The following SGCZ variants were observed in gnomAD, a reference collection of about 807,000 sequenced individuals.
The protein encoded by SGCZ is zeta-sarcoglycan.
In SGCZ, 40 loss-of-function variants were observed where a neutral mutation model predicts 41.3. That is an observed-to-expected ratio of 0.97 (90% CI 0.75 to 1.26). The LOEUF is 1.26. SGCZ is among the 50% of genes most tolerant of loss of function. The pLI, the probability that SGCZ is intolerant of heterozygous loss-of-function variation, is 0.00. For synonymous variants in SGCZ, 206 were observed against 137.5 expected (o/e 1.50, Z -3.49); for missense variants, 552 against 369.8 (o/e 1.49, Z -4.04).
chr8:15,073,352 G>A (rs1360294555), intron 1 of SGCZ, among the ~76,000 whole-genome samples: 2 of 152,156 alleles, frequency 1.3e-5, no homozygotes, highest in Non-Finnish European at 2.9e-5. Context: ...TGAGTGAAGA[G>A]GAAAGAGAGA....
intron 1 of SGCZ, among the ~76,000 whole-genome samples, chr8:14,608,142 G>T (rs773063000): frequency 7.9e-5 from 12 of 151,986 alleles, no homozygotes; most frequent in Admixed American, 1.3e-4. Flanking sequence ...CAATAAAAAG[G>T]CACTAATGGA....
intron 2 of SGCZ, among the ~76,000 whole-genome samples, chr8:14,350,469 G>C (rs1357037201): frequency 6.6e-6 from 1 of 152,098 alleles, no homozygotes; most frequent in Non-Finnish European, 1.5e-5. Flanking sequence ...ATGCTATCAG[G>C]AGTGTTAGGG....
intron 2 of SGCZ, among the ~76,000 whole-genome samples, chr8:14,324,801 G>C (rs997072705): frequency 4.6e-5 from 7 of 152,112 alleles, no homozygotes; most frequent in African/African-American, 7.2e-5. Context: ...ACTAAACAGA[G>C]TGCTACTGGG....
At chr8:15,129,972 A>G (rs928618705) in intron 1 of SGCZ, among the ~76,000 whole-genome samples, 5 of 152,098 alleles carry the variant, frequency 3.3e-5, no homozygotes, top group African/African-American at 1.2e-4. Flanking sequence ...TAATCTCAGT[A>G]TTTTAAAAAT....
At chr8:15,137,564 T>C (rs1808159583) in intron 1 of SGCZ, among the ~76,000 whole-genome samples, 1 of 152,142 alleles carries the variant, frequency 6.6e-6, no homozygotes, top group Non-Finnish European at 1.5e-5. Flanking sequence ...GCCTAGGGAC[T>C]TCATACCCTG....
intron 1 of SGCZ, among the ~76,000 whole-genome samples, chr8:15,050,103 A>C (rs1266905802): frequency 2.6e-5 from 4 of 152,154 alleles, no homozygotes; most frequent in Non-Finnish European, 1.5e-5. Flanking sequence ...ACACACATGC[A>C]CACATATGAT....
chr8:14,280,673 G>A (rs938149430), intron 3 of SGCZ, among the ~76,000 whole-genome samples: 2 of 151,696 alleles, frequency 1.3e-5, no homozygotes, highest in Admixed American at 1.3e-4. Flanking sequence ...TATTACTATT[G>A]CTTATCTTGT....
At chr8:14,365,016 C>G (rs1277118511) in intron 2 of SGCZ, among the ~76,000 whole-genome samples, 1 of 151,984 alleles carries the variant, frequency 6.6e-6, no homozygotes, top group Non-Finnish European at 1.5e-5. Flanking sequence ...ATTTTCATCA[C>G]TTTCTATGGT....
chr8:14,132,596 T>C (rs1180847555), intron 5 of SGCZ, among the ~76,000 whole-genome samples: 2 of 152,220 alleles, frequency 1.3e-5, no homozygotes, highest in Non-Finnish European at 2.9e-5. Context: ...TTTTTGTCCA[T>C]GTTTTTCTTT....
chr8:14,650,591 G>C lies in SGCZ; in HGVS notation c.40-95665C>G, dbSNP rs180849306. On this transcript the variant is annotated intron_variant, in intron 1 of 7. Transcript: ENST00000382080. ...CTCATCATTTAGCTCCCACTTATAA[G>C]TGACAGGTTATCTTTAATATTAAGC... 2.6e-3 allele frequency among the ~76,000 whole-genome samples: 398 copies of C among 151,958 alleles called. 2 individuals carry two copies. Among genetic ancestry groups the C allele is most frequent in the Non-Finnish European group, 4.6e-3 (313 of 68,010 alleles).
At chr8:14,927,973 C>T (rs1364194096) in intron 1 of SGCZ, among the ~76,000 whole-genome samples, 2 of 152,122 alleles carry the variant, frequency 1.3e-5, no homozygotes, top group East Asian at 3.9e-4. Context: ...AAGGTTCAGT[C>T]AAAGTCATCT....
At chr8:14,321,998 T>C (rs1426024976) in intron 3 of SGCZ, among the ~76,000 whole-genome samples, 1 of 152,106 alleles carries the variant, frequency 6.6e-6, no homozygotes, top group African/African-American at 2.4e-5. Context: ...GTAAATGACA[T>C]TCATGGACAA....
At chr8:14,852,641 T>C (rs1230351304) in intron 1 of SGCZ, among the ~76,000 whole-genome samples, 1 of 152,192 alleles carries the variant, frequency 6.6e-6, no homozygotes, top group East Asian at 1.9e-4. Flanking sequence ...CAGATGCCTA[T>C]AGTCTCCCCT....
chr8:14,970,750 T>C (rs1326162304), intron 1 of SGCZ, among the ~76,000 whole-genome samples: 3 of 152,156 alleles, frequency 2.0e-5, no homozygotes, highest in Non-Finnish European at 2.9e-5. Flanking sequence ...TCCTGCTAGA[T>C]TCTCCTTTTC....
intron 1 of SGCZ, among the ~76,000 whole-genome samples, chr8:14,802,884 T>C (rs1231509162): frequency 6.6e-6 from 1 of 152,146 alleles, no homozygotes; most frequent in Admixed American, 6.5e-5. Context: ...ACAGCCCACC[T>C]GCACTGAAGC....
intron 2 of SGCZ, among the ~76,000 whole-genome samples, chr8:14,516,716 G>C (rs1248935263): frequency 6.6e-6 from 1 of 152,018 alleles, no homozygotes; most frequent in African/African-American, 2.4e-5. Flanking sequence ...GTTCACCGTT[G>C]ACATGCGTCT....
At chr8:14,697,859 G>A (rs1452899405) in intron 1 of SGCZ, among the ~76,000 whole-genome samples, 1 of 151,872 alleles carries the variant, frequency 6.6e-6, no homozygotes, top group African/African-American at 2.4e-5. Flanking sequence ...CTTTTCATCA[G>A]TAATATTGAA....
intron 1 of SGCZ, among the ~76,000 whole-genome samples, chr8:14,833,543 CATTTTAGT>C (rs1373543883): frequency 1.1e-4 from 16 of 152,128 alleles, no homozygotes; most frequent in Non-Finnish European, 1.5e-4. Context: ...TTGTTCTTAA[CATTTTAGT>C]ACATGGTTTG....
intron 1 of SGCZ, among the ~76,000 whole-genome samples, chr8:14,881,102 A>G (rs1804570616): frequency 6.6e-6 from 1 of 152,160 alleles, no homozygotes; most frequent in South Asian, 2.1e-4. Context: ...ATTATATCTA[A>G]TGAAAATAAT....
Sources: allele counts gnomAD v4.1 joint callset (sites outside exome capture counted in the v4.1 genomes callset), GRCh38; gene constraint gnomAD v4.1.1; transcripts MANE v1.5; gene names NCBI Gene and HGNC (gene_info 2026-07-23, HGNC 2026-07-21).